PREX2: variants seen among roughly 807,000 people sequenced by gnomAD.
The protein encoded by PREX2 is phosphatidylinositol-3,4,5-trisphosphate dependent Rac exchange factor 2.
A neutral mutation model predicts 203.2 loss-of-function variants in PREX2; 107 were observed. The observed-to-expected ratio is 0.53, with a 90% CI of 0.45 to 0.62. The LOEUF is 0.62. PREX2 is among the 20% of genes least tolerant of loss of function. The pLI is 0.00. For missense variants in PREX2, 1,777 were observed against 1,955.9 expected (o/e 0.91, Z 1.72); for synonymous variants, 672 against 663.6 (o/e 1.01, Z -0.19).
At chr8:68,084,658 G>A (rs527668978) in intron 18 of PREX2, among the ~76,000 whole-genome samples, 24 of 152,150 alleles carry the variant, frequency 1.6e-4, no homozygotes, top group African/African-American at 5.8e-4. Context: ...AGGAAGACGG[G>A]GCTAGAGGGC....
At chr8:68,211,074 AGAG>A (rs1235323070) in intron 37 of PREX2, among the ~76,000 whole-genome samples, 1 of 152,216 alleles carries the variant, frequency 6.6e-6, no homozygotes, top group African/African-American at 2.4e-5. Context: ...CAGTTGGGAA[AGAG>A]GAGACCAGTT....
Position 68,046,950 on chromosome 8 carries a change from G to A in PREX2, c.943+2360G>A, listed in dbSNP as rs535709125. 2.6e-5 allele frequency among the ~76,000 whole-genome samples: 4 copies of A among 152,104 alleles called. No individual in the cohort carries two copies. In the South Asian group the frequency reaches 8.3e-4, roughly 32 times the overall value. On this transcript the variant is annotated intron_variant, in intron 8 of 39. Coordinates refer to ENST00000288368, the MANE Select transcript of PREX2 (RefSeq NM_024870.4). ...GATAGGATCTTGGTGATCAATTAAT[G>A]TACCCCAATAGCATTTCAGATGATC...
intron 7 of PREX2, among the ~76,000 whole-genome samples, chr8:68,042,981 A>T (rs950099172): frequency 1.1e-4 from 16 of 152,134 alleles, no homozygotes; most frequent in African/African-American, 3.9e-4. Flanking sequence ...ACTGTTAAGG[A>T]TATTAAGTCT....
At chr8:68,056,700 A>G (rs143348909) in intron 10 of PREX2, among the ~76,000 whole-genome samples, 3 of 152,322 alleles carry the variant, frequency 2.0e-5, no homozygotes, top group African/African-American at 4.8e-5. Flanking sequence ...AAATACCATT[A>G]TACTTTTTTA....
chr8:68,189,215 C>A (rs921937078), intron 35 of PREX2, among the ~76,000 whole-genome samples: 2 of 152,210 alleles, frequency 1.3e-5, no homozygotes, highest in African/African-American at 4.8e-5. Flanking sequence ...GACACACAGA[C>A]CTTTCAGTAG....
At chr8:68,142,037 C>G (rs1296175996) in intron 33 of PREX2, among the ~76,000 whole-genome samples, 1 of 151,938 alleles carries the variant, frequency 6.6e-6, no homozygotes, top group South Asian at 2.1e-4. Flanking sequence ...TTTTCCATAC[C>G]CCTGTCCCTA....
intron 14 of PREX2, 33 bp downstream of exon 14, chr8:68,072,603 C>T: frequency 8.7e-7 from 1 of 1,147,674 alleles, no homozygotes; most frequent in Non-Finnish European, 1.3e-6. Context: ...CTGAGTTTCA[C>T]TTGCTGCTGC....
At chr8:68,105,634 A>T in intron 23 of PREX2, 1 of 974,432 alleles carries the variant, frequency 1.0e-6, no homozygotes, top group Non-Finnish European at 1.2e-6. Context: ...ATATACAGTC[A>T]TGCACTGCAT....
At position 68,097,148 on chromosome 8, in the gene PREX2, A is replaced by G. The variant is rs781488172; in HGVS notation, c.2500A>G (p.Asn834Asp). The G allele has an allele frequency of 3.1e-6, 5 of 1,613,972 alleles. No individual in the cohort carries two copies. Among genetic ancestry groups the G allele is most frequent in the Non-Finnish European group, 3.4e-6 (4 of 1,179,898 alleles). Residue 834 changes from asparagine (N) to aspartate (D), a missense_variant, in exon 22 of 40, where the codon AAT becomes GAT. Transcript: ENST00000288368. ...EYDSTAGIKC[N>D]VVEKMIEPKG... ...CGACAGCACAGCTGGCATCAAGTGC[A>G]ATGTGGTGGAAAAGATGATTGAGCC...
chr8:68,111,679 A>G (rs1028482696), intron 25 of PREX2, among the ~76,000 whole-genome samples: 3 of 152,220 alleles, frequency 2.0e-5, no homozygotes, highest in African/African-American at 4.8e-5. Flanking sequence ...GGTACACCAC[A>G]TCATGTAATT....
intron 1 of PREX2, among the ~76,000 whole-genome samples, chr8:68,008,643 T>A (rs1220350950): frequency 6.6e-6 from 1 of 152,148 alleles, no homozygotes; most frequent in African/African-American, 2.4e-5. Context: ...TCATCTTGAA[T>A]TGTAGCTCAC....
At chr8:67,978,061 C>G (rs540845811) in intron 1 of PREX2, among the ~76,000 whole-genome samples, 1 of 152,136 alleles carries the variant, frequency 6.6e-6, no homozygotes, top group Non-Finnish European at 1.5e-5. Context: ...GGTCACAACC[C>G]GGGGCATGTG....
chr8:68,003,918 G>C (rs535881984), intron 1 of PREX2, among the ~76,000 whole-genome samples: 11 of 137,982 alleles, frequency 8.0e-5, no homozygotes, highest in African/African-American at 3.0e-4. Flanking sequence ...GCGCAATCTC[G>C]GCTCACTGCA....
At chr8:67,998,462 CATATGCAGCCTCTA>C (rs1167636038) in intron 1 of PREX2, among the ~76,000 whole-genome samples, 5 of 152,188 alleles carry the variant, frequency 3.3e-5, no homozygotes, top group African/African-American at 4.8e-5. Flanking sequence ...ATTCTAATTT[CATATGCAGCCTCTA>C]TAAGTTCCTG....
At position 68,090,702 on chromosome 8, in the gene PREX2, G is replaced by C; in HGVS notation, c.2237G>C (p.Arg746Thr). ...CACGTTACAGCCTGCAGGAAGTACA[G>C]GCGGCCAACGAAGGTAAGTGGCCCT... ...IAHVTACRKY[R>T]RPTKQDSIQW... Residue 746 changes from arginine to threonine, a missense_variant, in exon 20 of 40, where the codon AGG becomes ACG. Transcript: ENST00000288368. 6.2e-7 allele frequency: 1 copy of C among 1,613,418 alleles called. No homozygotes were observed. The highest frequency in any genetic ancestry group is 8.5e-7 in the Non-Finnish European group (1 of 1,179,516).
rs79907631 is a variant in PREX2 at position 67,978,062 on chromosome 8, G to A, written c.141+25527G>A. On this transcript the variant is annotated intron_variant, in intron 1 of 39. Coordinates refer to ENST00000288368, the MANE Select transcript of PREX2 (RefSeq NM_024870.4). ...TGATCAGAAACACAGGTCACAACCC[G>A]GGGCATGTGATTGGCATCTGAAGTG... 2.6e-3 allele frequency among the ~76,000 whole-genome samples: 389 copies of A among 152,244 alleles called. 16 individuals carry two copies. In the East Asian group the frequency reaches 0.064, roughly 25 times the overall value.
At chr8:67,993,095 G>T (rs566615214) in intron 1 of PREX2, among the ~76,000 whole-genome samples, 72 of 152,202 alleles carry the variant, frequency 4.7e-4, no homozygotes, top group African/African-American at 1.6e-3. Context: ...GGAAGAAATG[G>T]TTATTTTAAA....
intron 14 of PREX2, among the ~76,000 whole-genome samples, chr8:68,074,065 C>T (rs776892899): frequency 4.0e-5 from 6 of 151,804 alleles, no homozygotes; most frequent in African/African-American, 9.7e-5. Context: ...CTCTGGGGTT[C>T]AAGTAATTCT....
At chr8:67,965,339 T>C (rs559269588) in intron 1 of PREX2, among the ~76,000 whole-genome samples, 47 of 152,236 alleles carry the variant, frequency 3.1e-4, no homozygotes, top group Non-Finnish European at 4.7e-4. Flanking sequence ...TTTGGATCTC[T>C]GTGTATTTAC....
Sources: gnomAD v4.1 joint callset for allele counts (sites outside exome capture counted in the v4.1 genomes callset) on GRCh38, gnomAD v4.1.1 for gene constraint, MANE v1.5 for transcripts, NCBI Gene and HGNC (gene_info 2026-07-23, HGNC 2026-07-21) for gene names.